PLEKHH2: variants seen among roughly 807,000 people sequenced by gnomAD.
PLEKHH2 encodes the protein pleckstrin homology, MyTH4 and FERM domain containing H2, also known as pleckstrin homology domain-containing family H member 2.
In PLEKHH2, 129 loss-of-function variants were observed where a neutral mutation model predicts 187.9. The ratio of observed to expected loss-of-function variants is 0.69; its 90% CI spans 0.59 to 0.79. PLEKHH2 has a LOEUF of 0.79. PLEKHH2 is among the 30% of genes least tolerant of loss of function. The pLI, the probability that PLEKHH2 is intolerant of heterozygous loss-of-function variation, is 0.00. For missense variants in PLEKHH2, 2,076 were observed against 1,751.2 expected (o/e 1.19, Z -3.31); for synonymous variants, 686 against 605.6 (o/e 1.13, Z -1.95).
intron 3 of PLEKHH2, among the ~76,000 whole-genome samples, chr2:43,687,581 C>T (rs778885422): frequency 6.6e-6 from 1 of 152,170 alleles, no homozygotes; most frequent in Non-Finnish European, 1.5e-5. Flanking sequence ...TTTATAGTGG[C>T]TGAACTAATT....
chr2:43,764,723 T>G (rs542428371), intron 29 of PLEKHH2, among the ~76,000 whole-genome samples: 220 of 152,338 alleles, frequency 1.4e-3, no homozygotes, highest in Middle Eastern at 3.4e-3. Flanking sequence ...TTTATACACA[T>G]TATCTTATTC....
At chr2:43,671,077 G>A (rs986039602) in intron 2 of PLEKHH2, among the ~76,000 whole-genome samples, 2 of 151,148 alleles carry the variant, frequency 1.3e-5, no homozygotes, top group African/African-American at 4.9e-5. Context: ...TCTGCCTCCT[G>A]GGTTCAAGTG....
At chr2:43,685,930 T>C (rs1271047310) in intron 3 of PLEKHH2, among the ~76,000 whole-genome samples, 1 of 152,220 alleles carries the variant, frequency 6.6e-6, no homozygotes. Flanking sequence ...TACATTTATT[T>C]ATGCTGACCA....
chr2:43,759,150 A>G, intron 27 of PLEKHH2, 121 bp downstream of exon 27: 3 of 1,381,112 alleles, frequency 2.2e-6, no homozygotes, highest in Non-Finnish European at 2.9e-6. Flanking sequence ...AATAATGTAA[A>G]GAAAACAATG....
At chr2:43,676,463 A>T in intron 2 of PLEKHH2, 1 of 644,758 alleles carries the variant, frequency 1.6e-6, no homozygotes, top group South Asian at 2.1e-5. Flanking sequence ...TGGCGTAGAG[A>T]AGGGGGCGGG....
intron 25 of PLEKHH2, among the ~76,000 whole-genome samples, chr2:43,755,151 G>A (rs1248953529): frequency 6.6e-6 from 1 of 152,044 alleles, no homozygotes; most frequent in African/African-American, 2.4e-5. Context: ...AGGATTACAG[G>A]CGTGAGCCAC....
chr2:43,731,285 A>G (rs908074934), intron 18 of PLEKHH2, among the ~76,000 whole-genome samples: 2 of 152,202 alleles, frequency 1.3e-5, no homozygotes, highest in African/African-American at 4.8e-5. Flanking sequence ...ATTAAAAAAA[A>G]CAAAACACAA....
At chr2:43,685,005 C>T (rs1190973119) in intron 3 of PLEKHH2, among the ~76,000 whole-genome samples, 1 of 152,148 alleles carries the variant, frequency 6.6e-6, no homozygotes, top group African/African-American at 2.4e-5. Flanking sequence ...GAAATACAGA[C>T]AGCAGATGAA....
At chr2:43,742,720 A>G (rs912004452) in intron 21 of PLEKHH2, 21 bp from the exon 22 acceptor site, 1 of 1,489,828 alleles carries the variant, frequency 6.7e-7, no homozygotes. Context: ...CTTAGATTTT[A>G]TCTTAAGTTT....
intron 24 of PLEKHH2, among the ~76,000 whole-genome samples, chr2:43,751,817 G>T (rs1051623344): frequency 1.3e-5 from 2 of 151,528 alleles, no homozygotes. Context: ...GGTCATTTTT[G>T]TTCCTCTTCA....
rs147603776 is a variant in PLEKHH2, at chr2:43,747,796, G to A, written c.3653+1833G>A. Among the ~76,000 whole-genome samples the A allele has an allele frequency of 2.9e-3, 438 of 152,200 alleles. 4 individuals carry two copies. Among genetic ancestry groups the A allele is most frequent in the African/African-American group, 9.9e-3 (412 of 41,516 alleles). ...TGGAATTATTGGAGTGGTACTCAGA[G>A]GTCTCTTTTTGGAAGATGTTCAGAC... On this transcript the variant is annotated intron_variant, in intron 24 of 29. Coordinates refer to ENST00000282406, the MANE Select transcript of PLEKHH2 (RefSeq NM_172069.4).
At chr2:43,647,041 T>C (rs1249393266) in intron 2 of PLEKHH2, among the ~76,000 whole-genome samples, 5 of 152,124 alleles carry the variant, frequency 3.3e-5, no homozygotes, top group Non-Finnish European at 7.4e-5. Flanking sequence ...GGTTTAAAAA[T>C]TTCTTTTGGT....
intron 25 of PLEKHH2, among the ~76,000 whole-genome samples, chr2:43,756,745 C>G (rs1000077547): frequency 6.6e-6 from 1 of 152,080 alleles, no homozygotes; most frequent in Non-Finnish European, 1.5e-5. Flanking sequence ...GTCAGGAGTT[C>G]GAGACCAGCC....
chr2:43,645,698 A>C, intron 2 of PLEKHH2, among the ~76,000 whole-genome samples: 1 of 152,282 alleles, frequency 6.6e-6, no homozygotes, highest in South Asian at 2.1e-4. Context: ...ATTAAAATTA[A>C]TTTTACCCAC....
intron 3 of PLEKHH2, among the ~76,000 whole-genome samples, chr2:43,689,922 A>T (rs1487275302): frequency 6.6e-6 from 1 of 152,222 alleles, no homozygotes; most frequent in Non-Finnish European, 1.5e-5. Flanking sequence ...GGACTATTTT[A>T]TGTGGCAACC....
chr2:43,748,656 G>A (rs922390765), intron 24 of PLEKHH2, among the ~76,000 whole-genome samples: 1 of 152,226 alleles, frequency 6.6e-6, no homozygotes, highest in Admixed American at 6.5e-5. Context: ...CTGACCTAAC[G>A]GTCCTCATTG....
chr2:43,694,659 T>C, intron 5 of PLEKHH2, 145 bp downstream of exon 5: 1 of 850,412 alleles, frequency 1.2e-6, no homozygotes, highest in Non-Finnish European at 1.7e-6. Context: ...GAGATATAGG[T>C]AGCTTTCATT....
At chr2:43,726,213 G>A in intron 16 of PLEKHH2, 59 bp from the exon 17 acceptor site, 1 of 1,186,672 alleles carries the variant, frequency 8.4e-7, no homozygotes, top group Non-Finnish European at 1.2e-6. Flanking sequence ...ACTATGAAAT[G>A]TTTTAGTAGG....
chr2:43,678,328 AAT>A, intron 2 of PLEKHH2, among the ~76,000 whole-genome samples: 1 of 152,144 alleles, frequency 6.6e-6, no homozygotes, highest in Non-Finnish European at 1.5e-5. Context: ...CAGAGGCTGC[AAT>A]CTCGGCACTT....
Sources: allele counts gnomAD v4.1 joint callset (sites outside exome capture counted in the v4.1 genomes callset), GRCh38; gene constraint gnomAD v4.1.1; transcripts MANE v1.5; gene names NCBI Gene and HGNC (gene_info 2026-07-23, HGNC 2026-07-21).